The following MGMT variants were observed in gnomAD, a reference collection of about 807,000 sequenced individuals.
MGMT encodes the protein methylated-DNA--protein-cysteine methyltransferase.
A neutral mutation model predicts 15.9 loss-of-function variants in MGMT; 14 were observed. The observed-to-expected ratio is 0.88, with a 90% CI of 0.58 to 1.37. MGMT has a LOEUF of 1.37. MGMT is among the 40% of genes most tolerant of loss of function. MGMT has a pLI of 0.00. For synonymous variants in MGMT, 130 were observed against 118.2 expected (o/e 1.10, Z -0.65); for missense variants, 282 against 268.1 (o/e 1.05, Z -0.36).
chr10:129,733,541 T>C (rs1212839375), intron 3 of MGMT, among the ~76,000 whole-genome samples: 3 of 151,330 alleles, frequency 2.0e-5, no homozygotes, highest in African/African-American at 7.3e-5. Context: ...TTTCTTTTGC[T>C]GTGCAGAAGC....
intron 2 of MGMT, among the ~76,000 whole-genome samples, chr10:129,696,032 C>T (rs2133131635): frequency 6.6e-6 from 1 of 152,208 alleles, no homozygotes; most frequent in Middle Eastern, 3.4e-3. Flanking sequence ...GAAGGCATGC[C>T]TACAGACAGG....
intron 2 of MGMT, among the ~76,000 whole-genome samples, chr10:129,628,386 T>C (rs576630918): frequency 1.1e-4 from 16 of 152,312 alleles, no homozygotes; most frequent in African/African-American, 3.8e-4. Context: ...TTTGCTCTGG[T>C]TTGAAGCAGG....
At chr10:129,510,608 T>C (rs941431193) in intron 1 of MGMT, among the ~76,000 whole-genome samples, 1 of 152,206 alleles carries the variant, frequency 6.6e-6, no homozygotes, top group African/African-American at 2.4e-5. Context: ...AACAGATATG[T>C]GTCAAAGAGT....
In MGMT at chr10:129,621,377, A is replaced by G. The variant is rs199596121; in HGVS notation, c.125+85000A>G. Among the ~76,000 whole-genome samples the G allele has an allele frequency of 5.5e-4, 84 of 152,302 alleles. 1 individual carries two copies. The highest frequency in any genetic ancestry group is 3.4e-3 in the Middle Eastern group (1 of 294). On this transcript the variant is annotated intron_variant, in intron 2 of 4. Coordinates refer to ENST00000651593, the MANE Select transcript of MGMT (RefSeq NM_002412.5). ...ATACATGGTTGTGACTTTTTCCTTT[A>G]AACAGTCATTTGTCGAGAAATAATC...
Position 129,731,183 on chromosome 10 carries a change from A to G in MGMT, c.274+23140A>G, listed in dbSNP as rs1366326052. On this transcript the variant is annotated intron_variant, in intron 3 of 4. Coordinates refer to ENST00000651593, the MANE Select transcript of MGMT (RefSeq NM_002412.5). ...AGATGGAGCCTACCGGGGCATTCCT[A>G]TGTGTGACACAGAGCCCTGCCAGGC... Among the ~76,000 whole-genome samples, 5 of 150,856 alleles carry G rather than the reference A, an allele frequency of 3.3e-5. No homozygotes were observed. In the East Asian group the frequency reaches 8.0e-4, roughly 24 times the overall value.
At chr10:129,570,774 G>T (rs1289528999) in intron 2 of MGMT, among the ~76,000 whole-genome samples, 1 of 152,112 alleles carries the variant, frequency 6.6e-6, no homozygotes, top group East Asian at 1.9e-4. Context: ...ATTTTCATGA[G>T]GTGTAAATTT....
rs61316662 is a variant in MGMT, at chr10:129,518,337, T to TACACACACACACACACACAC, written c.-12-17886_-12-17867dup. Among the ~76,000 whole-genome samples, 796 of 119,574 alleles carry TACACACACACACACACACAC rather than the reference T, an allele frequency of 6.7e-3. 7 individuals are homozygous for TACACACACACACACACACAC. The highest frequency in any genetic ancestry group is 0.019 in the East Asian group (56 of 3,002). 78.4% of individuals were successfully genotyped at this position (119,574 alleles called of 152,430 possible). A position where few individuals can be genotyped will look rare whatever the true frequency, so the allele number is the denominator to read the frequency against. On this transcript the variant is annotated intron_variant, in intron 1 of 4. Coordinates refer to ENST00000651593, the MANE Select transcript of MGMT (RefSeq NM_002412.5). Reference sequence around the variant, plus strand: ...TGATGTGTGTACAGATACACACACATACACACACACACACACACACACACA... The same window carrying TACACACACACACACACACAC: ...TGATGTGTGTACAGATACACACACATACACACACACACACACACACACACACACACACACACACACACACA...
chr10:129,468,320 C>G (rs928331334), intron 1 of MGMT, among the ~76,000 whole-genome samples: 1 of 152,060 alleles, frequency 6.6e-6, no homozygotes, highest in African/African-American at 2.4e-5. Flanking sequence ...GGTGTGAAAA[C>G]TTTGAAGGAA....
At chr10:129,732,116 T>G (rs921076381) in intron 3 of MGMT, among the ~76,000 whole-genome samples, 1 of 151,952 alleles carries the variant, frequency 6.6e-6, no homozygotes, top group Non-Finnish European at 1.5e-5. Context: ...CTCTAAAATA[T>G]TACTCACATT....
chr10:129,765,465 T>C (rs1344472351), intron 4 of MGMT, among the ~76,000 whole-genome samples: 1 of 152,180 alleles, frequency 6.6e-6, no homozygotes, highest in Non-Finnish European at 1.5e-5. Context: ...GATGCCCATA[T>C]GTTACTGCCT....
At chr10:129,653,797 C>T (rs1049776251) in intron 2 of MGMT, among the ~76,000 whole-genome samples, 1 of 152,236 alleles carries the variant, frequency 6.6e-6, no homozygotes, top group African/African-American at 2.4e-5. Flanking sequence ...TGAGGCCCCA[C>T]AGCCCAGGGT....
chr10:129,666,431 A>G (rs1353584938), intron 2 of MGMT, among the ~76,000 whole-genome samples: 1 of 152,094 alleles, frequency 6.6e-6, no homozygotes, highest in Non-Finnish European at 1.5e-5. Context: ...CTTATTCAGC[A>G]CTTCTTTTAT....
chr10:129,531,385 T>C (rs1845929850), intron 1 of MGMT, among the ~76,000 whole-genome samples: 1 of 152,142 alleles, frequency 6.6e-6, no homozygotes, highest in African/African-American at 2.4e-5. Context: ...ATGGTTTCAC[T>C]CCTGTCAGGT....
intron 2 of MGMT, among the ~76,000 whole-genome samples, chr10:129,680,104 C>G (rs896096773): frequency 6.6e-6 from 1 of 152,222 alleles, no homozygotes; most frequent in Non-Finnish European, 1.5e-5. Flanking sequence ...CCCATACATT[C>G]CTCTCGTTCA....
chr10:129,699,841 T>G lies in MGMT; in HGVS notation c.126-8054T>G, dbSNP rs866813091. ...TCACTTACTTCCCTGTCTTATATGA[T>G]GTCCTTTTGTACAGAATGCATCTTT... is the stretch of plus-strand genomic sequence containing the variant. On this transcript the variant is annotated intron_variant, in intron 2 of 4. Transcript: ENST00000651593. Among the ~76,000 whole-genome samples, 5 of 152,294 alleles carry G rather than the reference T, an allele frequency of 3.3e-5. 1 individual carries two copies. In the South Asian group the frequency reaches 1.0e-3, roughly 32 times the overall value.
At chr10:129,607,152 C>T (rs80082470) in intron 2 of MGMT, among the ~76,000 whole-genome samples, 47 of 151,930 alleles carry the variant, frequency 3.1e-4, no homozygotes, top group African/African-American at 1.0e-3. Context: ...AAGTGCAGTC[C>T]GGGCCAGCAG....
At chr10:129,720,214 A>G (rs1298372117) in intron 3 of MGMT, among the ~76,000 whole-genome samples, 1 of 152,224 alleles carries the variant, frequency 6.6e-6, no homozygotes, top group African/African-American at 2.4e-5. Flanking sequence ...TTTTTCAACC[A>G]TTATTTCTTC....
At chr10:129,689,963 T>A (rs954865932) in intron 2 of MGMT, among the ~76,000 whole-genome samples, 1 of 152,252 alleles carries the variant, frequency 6.6e-6, no homozygotes, top group Admixed American at 6.5e-5. Flanking sequence ...TGAGTCCTTG[T>A]GTGCCAAAGT....
chr10:129,492,377 CTA>C (rs1845477637), intron 1 of MGMT, among the ~76,000 whole-genome samples: 1 of 152,198 alleles, frequency 6.6e-6, no homozygotes, highest in Admixed American at 6.5e-5. Context: ...GGAGATGTGA[CTA>C]TGTGTGAAGC....
Sources: gnomAD v4.1 joint callset for allele counts (sites outside exome capture counted in the v4.1 genomes callset) on GRCh38, gnomAD v4.1.1 for gene constraint, MANE v1.5 for transcripts, NCBI Gene and HGNC (gene_info 2026-07-23, HGNC 2026-07-21) for gene names.